The following PTPRB variants were observed in gnomAD, a reference collection of about 807,000 sequenced individuals.
PTPRB encodes receptor-type tyrosine-protein phosphatase beta.
In PTPRB, 97 loss-of-function variants were observed where a neutral mutation model predicts 238.1. The observed-to-expected ratio is 0.41, with a 90% CI of 0.35 to 0.48. The LOEUF (loss-of-function observed/expected upper bound fraction) is 0.48. Among genes scored for constraint, PTPRB ranks in the 20% least tolerant of loss-of-function variants. The probability of loss-of-function intolerance (pLI) is 0.30; values close to 1 mark genes in which losing one functional copy is unlikely to be tolerated. For missense variants in PTPRB, 2,292 were observed against 2,681.9 expected, an observed-to-expected ratio of 0.85 and a Z score of 3.21; for synonymous variants, 970 against 995.4, an observed-to-expected ratio of 0.97 and a Z score of 0.48.
intron 31 of PTPRB, 89 bp from the exon 32 acceptor site, chr12:70,532,259 T>TC: frequency 7.0e-7 from 1 of 1,426,892 alleles, no homozygotes; most frequent in Non-Finnish European, 9.4e-7. Context: ...ATCTTTTTTT[T>TC]CCCTTCCCAG....
intron 3 of PTPRB, 96 bp downstream of exon 3, chr12:70,622,294 A>G (rs1798469777): frequency 6.7e-7 from 1 of 1,502,622 alleles, no homozygotes; most frequent in Admixed American, 1.8e-5. Context: ...TAATCCCCCT[A>G]CTGCAGCAGT....
chr12:70,595,976 C>A (rs1882970752), intron 5 of PTPRB, 73 bp downstream of exon 5: 2 of 1,331,128 alleles, frequency 1.5e-6, no homozygotes, highest in East Asian at 5.1e-5. Context: ...CAATCTTACT[C>A]CTATTCCTTG....
intron 22 of PTPRB, among the ~76,000 whole-genome samples, chr12:70,543,537 T>C (rs113044810): frequency 0.036 from 5,443 of 152,280 alleles, 137 homozygotes; most frequent in Non-Finnish European, 0.052. Context: ...TAGCTTGAAA[T>C]TGGGAGATTA....
rs1882335631 is a variant in PTPRB, at chr12:70,590,166, C to A, written c.1848G>T (p.Trp616Cys). ...NGRMRSLVVS[W>C]SPPAGDWEQY... ...GCTCCCAGTCTCCAGCAGGGGGCGA[C>A]CAGCTCACTACAAGAGACCTCATCC... The change falls in exon 8 of 34, where the codon TGG becomes TGT. Residue 616 changes from tryptophan (W) to cysteine (C), a missense_variant. Coordinates refer to ENST00000334414, the MANE Select transcript of PTPRB (RefSeq NM_001109754.4). 3 of 1,612,454 alleles carry A rather than the reference C, an allele frequency of 1.9e-6. No individual in the cohort carries two copies. The highest frequency in any genetic ancestry group is 1.7e-5 in the Admixed American group (1 of 59,924).
At chr12:70,590,329 T>C (rs1882356025) in intron 7 of PTPRB, 96 bp from the exon 8 acceptor site, 1 of 1,260,694 alleles carries the variant, frequency 7.9e-7, no homozygotes, top group Admixed American at 2.5e-5. Context: ...GGAGACACAA[T>C]ATCTGCAGTT....
rs376262023 is a variant in PTPRB, at chr12:70,627,543, G to A, written c.452-4897C>T. Among the ~76,000 whole-genome samples the A allele has an allele frequency of 1.1e-4, 17 of 151,968 alleles. No homozygotes were observed. The East Asian group carries it at 1.9e-3, about 17-fold the overall frequency. On this transcript the variant is annotated intron_variant, in intron 2 of 33. Coordinates refer to ENST00000334414, the MANE Select transcript of PTPRB (RefSeq NM_001109754.4). ...TATTTTACTTTTCTTTTTTTCAGCA[G>A]AGGAAAGGGACCATAGAGGCAAAAG...
chr12:70,570,933 T>C lies in PTPRB; in HGVS notation c.3370+93A>G, dbSNP rs1431256. 325,989 of 1,366,778 alleles carry C rather than the reference T, an allele frequency of 0.24. 42,457 individuals carry two copies. The highest frequency in any genetic ancestry group is 0.44 in the African/African-American group (30,193 of 69,100). The allele number at this position is 1,366,778 out of a possible 1,614,324, so 84.7% of individuals were successfully genotyped here. ...GTCCCTTCTTGCTGTCTCCCTTTTATCCCTCCAAATGCTCAATCGAAATAC... is the reference window on the plus strand; with the variant it reads ...GTCCCTTCTTGCTGTCTCCCTTTTACCCCTCCAAATGCTCAATCGAAATAC... On this transcript the variant is annotated intron_variant, in intron 13 of 33. Coordinates refer to ENST00000334414, the MANE Select transcript of PTPRB (RefSeq NM_001109754.4).
chr12:70,629,573 G>A (rs1156441067), intron 2 of PTPRB, among the ~76,000 whole-genome samples: 3 of 152,140 alleles, frequency 2.0e-5, no homozygotes, highest in Non-Finnish European at 2.9e-5. Flanking sequence ...AAAGCTAGCA[G>A]AAGGTAAGAA....
chr12:70,525,443 C>T (rs1872286096), intron 32 of PTPRB: 1 of 152,230 alleles, frequency 6.6e-6, no homozygotes, highest in African/African-American at 2.4e-5. Flanking sequence ...GTCTTATCCA[C>T]CTCTGTTCTC....
chr12:70,544,580 G>C lies in PTPRB; in HGVS notation c.5471C>G (p.Ser1824Cys). The change falls in exon 22 of 34, where the codon TCT becomes TGT. Residue 1824 changes from serine to cysteine, a missense_variant. This residue lies in a region of PTPRB where 397 missense variants were observed against 502.0 expected (regional missense o/e 0.79). Coordinates refer to ENST00000334414, the MANE Select transcript of PTPRB (RefSeq NM_001109754.4). ...ACCTGATTCAGTAGTGATGGGTAAA[G>C]AAAAAAATGTGTCTGAATAGAGTGG... is the stretch of plus-strand genomic sequence containing the variant. ...TKPLYSDTFF[S>C]LPITTESEPL... 6.2e-7 allele frequency: 1 copy of C among 1,611,434 alleles called. No individual in the cohort carries two copies. The highest frequency in any genetic ancestry group is 1.1e-5 in the South Asian group (1 of 90,782).
At chr12:70,530,333 T>C (rs1873016219) in intron 32 of PTPRB, among the ~76,000 whole-genome samples, 3 of 152,176 alleles carry the variant, frequency 2.0e-5, no homozygotes, top group Admixed American at 2.0e-4. Context: ...TACATATATA[T>C]GTATACATGT....
At chr12:70,626,466 G>T (rs11178337) in intron 2 of PTPRB, among the ~76,000 whole-genome samples, 8,566 of 150,500 alleles carry the variant, frequency 0.057, 658 homozygotes, top group African/African-American at 0.18. Context: ...GTTCCTCATC[G>T]GTGGATTCAA....
intron 6 of PTPRB, among the ~76,000 whole-genome samples, chr12:70,593,922 T>C (rs902164189): frequency 5.9e-5 from 9 of 152,240 alleles, no homozygotes; most frequent in Admixed American, 5.2e-4. Flanking sequence ...GCATCTAGCT[T>C]ACATTCAATA....
chr12:70,585,738 C>T (rs1471578162), intron 9 of PTPRB, among the ~76,000 whole-genome samples: 3 of 152,076 alleles, frequency 2.0e-5, no homozygotes, highest in African/African-American at 4.8e-5. Flanking sequence ...TGTTGGTGTG[C>T]TGTGCCCATT....
intron 14 of PTPRB, among the ~76,000 whole-genome samples, chr12:70,567,968 G>T (rs912707722): frequency 5.3e-5 from 8 of 152,098 alleles, no homozygotes; most frequent in Admixed American, 5.2e-4. Flanking sequence ...GGGATTACAG[G>T]CATGAGCCAC....
chr12:70,544,600 G>C lies in PTPRB; in HGVS notation c.5451C>G (p.Leu1817=), dbSNP rs1289072660. Residue 1817 remains leucine, a synonymous_variant, in exon 22 of 34, where the codon CTC becomes CTG. Transcript: ENST00000334414. ...DEDLKEFTKP[L]YSDTFFSLPI... Reference sequence around the variant, plus strand: ...GTAAAGAAAAAAATGTGTCTGAATAGAGTGGCTTTGTGAATTCCTTCAGGT... The same window carrying C: ...GTAAAGAAAAAAATGTGTCTGAATACAGTGGCTTTGTGAATTCCTTCAGGT... The C allele has an allele frequency of 1.9e-6, 3 of 1,611,292 alleles. No individual in the cohort carries two copies. Among genetic ancestry groups the C allele is most frequent in the Non-Finnish European group, 2.5e-6 (3 of 1,179,066 alleles).
At chr12:70,526,372 T>TA (rs1236561452) in intron 32 of PTPRB, among the ~76,000 whole-genome samples, 2 of 151,774 alleles carry the variant, frequency 1.3e-5, no homozygotes, top group South Asian at 4.2e-4. Flanking sequence ...CTGGATAAAT[T>TA]AAAAAAAAAT....
At chr12:70,611,470 G>A (rs926372637) in intron 3 of PTPRB, among the ~76,000 whole-genome samples, 1 of 151,852 alleles carries the variant, frequency 6.6e-6, no homozygotes, top group African/African-American at 2.4e-5. Flanking sequence ...TTTTGTGTGT[G>A]TGTATTTTTA....
At chr12:70,609,000 C>A in intron 4 of PTPRB, 69 bp downstream of exon 4, 1 of 1,525,628 alleles carries the variant, frequency 6.6e-7, no homozygotes, top group South Asian at 1.2e-5. Context: ...TCAAATGAAA[C>A]ACCAGCTTGA....
Sources: gnomAD v4.1 joint callset for allele counts (sites outside exome capture counted in the v4.1 genomes callset) on GRCh38, gnomAD v4.1.1 for gene constraint, gnomAD v4.1.1 regional missense constraint, MANE v1.5 for transcripts, NCBI Gene and HGNC (gene_info 2026-07-23, HGNC 2026-07-21) for gene names.